NEDD1: variants seen among roughly 807,000 people sequenced by gnomAD.
NEDD1 encodes the protein protein NEDD1.
NEDD1 carries 33 observed loss-of-function variants against 74.0 expected under a neutral mutation model. The ratio of observed to expected loss-of-function variants is 0.45; its 90% confidence interval spans 0.34 to 0.60. NEDD1 has a LOEUF of 0.60. Ranked by LOEUF, NEDD1 falls within the 20% of genes least tolerant of loss-of-function variation. The pLI is 0.01. For synonymous variants in NEDD1, 250 were observed against 264.4 expected (o/e 0.95, Z 0.53); for missense variants, 746 against 776.5 (o/e 0.96, Z 0.47).
In NEDD1 at chr12:96,944,795, A is replaced by G. The variant is rs1480793322; in HGVS notation, c.1654A>G (p.Asn552Asp). The part of the protein sequence containing the change: ...EPPINGSSTP[N>D]PKIASSVTAG... ...CCCAATCAATGGATCCTCAACTCCAAGTAAGTACATGAAACTTCCTGATGT... is the reference window on the plus strand; with the variant it reads ...CCCAATCAATGGATCCTCAACTCCAGGTAAGTACATGAAACTTCCTGATGT... Residue 552 changes from asparagine (N) to aspartate (D), a missense_variant and splice_region_variant, in exon 13 of 16, where the codon AAT becomes GAT. Asn to Asp is a conservative substitution (Grantham distance 23). Transcript: ENST00000266742. 1 of 1,543,722 alleles carries G rather than the reference A, an allele frequency of 6.5e-7. No individual in the cohort carries two copies. Among genetic ancestry groups the G allele is most frequent in the African/African-American group, 1.4e-5 (1 of 70,936 alleles).
At chr12:96,917,482 C>T in intron 4 of NEDD1, 139 bp from the exon 5 acceptor site, 1 of 996,826 alleles carries the variant, frequency 1.0e-6, no homozygotes, top group Non-Finnish European at 1.3e-6. Context: ...GAGAGTGGCT[C>T]TTTAGTACAA....
chr12:96,948,320 G>A (rs1878394184), intron 14 of NEDD1, among the ~76,000 whole-genome samples: 1 of 152,116 alleles, frequency 6.6e-6, no homozygotes, highest in Admixed American at 6.5e-5. Flanking sequence ...TCTCCTTGTG[G>A]CTGGGACCCC....
intron 6 of NEDD1, among the ~76,000 whole-genome samples, chr12:96,925,539 C>T (rs1321189329): frequency 6.6e-6 from 1 of 152,164 alleles, no homozygotes; most frequent in African/African-American, 2.4e-5. Flanking sequence ...TTTTGCATAT[C>T]TAGCTCAGGA....
chr12:96,919,159 T>A (rs1874788718), intron 5 of NEDD1, among the ~76,000 whole-genome samples: 1 of 152,222 alleles, frequency 6.6e-6, no homozygotes, highest in South Asian at 2.1e-4. Flanking sequence ...GAAAACATAG[T>A]CCTTGTGAAC....
chr12:96,941,846 G>A (rs890164788), intron 10 of NEDD1, among the ~76,000 whole-genome samples: 13 of 152,088 alleles, frequency 8.5e-5, no homozygotes, highest in Non-Finnish European at 1.9e-4. Context: ...TGATAAGGAA[G>A]CTAATAACTT....
intron 6 of NEDD1, among the ~76,000 whole-genome samples, chr12:96,928,843 C>T (rs1239501640): frequency 6.6e-6 from 1 of 151,590 alleles, no homozygotes; most frequent in Non-Finnish European, 1.5e-5. Flanking sequence ...CCTGCTACCA[C>T]GCCTGGCTAA....
intron 7 of NEDD1, 129 bp downstream of exon 7, chr12:96,935,334 C>A: frequency 1.6e-6 from 1 of 618,044 alleles, no homozygotes; most frequent in Non-Finnish European, 2.9e-6. Context: ...GTTGATGGAT[C>A]TAGTAAGAAA....
chr12:96,916,100 C>G (rs982805971), intron 4 of NEDD1, among the ~76,000 whole-genome samples: 2 of 151,646 alleles, frequency 1.3e-5, no homozygotes, highest in Non-Finnish European at 2.9e-5. Context: ...AATGGAAGGT[C>G]AGTATGGCTG....
intron 6 of NEDD1, among the ~76,000 whole-genome samples, chr12:96,933,345 T>G (rs1442037549): frequency 2.0e-5 from 3 of 152,202 alleles, no homozygotes; most frequent in Non-Finnish European, 2.9e-5. Context: ...ACTCCTAAAG[T>G]GCTGTAGAAA....
intron 6 of NEDD1, among the ~76,000 whole-genome samples, chr12:96,920,738 C>A (rs113821271): frequency 6.6e-6 from 1 of 152,182 alleles, no homozygotes; most frequent in African/African-American, 2.4e-5. Flanking sequence ...CCATAAGATT[C>A]GCCATAGAAA....
chr12:96,934,846 T>C, intron 6 of NEDD1, 130 bp from the exon 7 acceptor site: 1 of 655,746 alleles, frequency 1.5e-6, no homozygotes, highest in Non-Finnish European at 2.7e-6. Context: ...CTGAAACCTG[T>C]CACTCTTACA....
intron 4 of NEDD1, among the ~76,000 whole-genome samples, chr12:96,914,042 C>T (rs1874193736): frequency 6.6e-6 from 1 of 152,156 alleles, no homozygotes. Flanking sequence ...GAGACTGGGA[C>T]AGAGGGAACA....
At chr12:96,949,434 G>C (rs548625662) in intron 14 of NEDD1, among the ~76,000 whole-genome samples, 1 of 152,052 alleles carries the variant, frequency 6.6e-6, no homozygotes, top group Non-Finnish European at 1.5e-5. Context: ...TTGTTTAAAA[G>C]CATTAACATT....
Position 96,952,166 on chromosome 12 carries a change from A to T in NEDD1, c.*113A>T. ...CCAGGGAAAAAATGTTTTTCAAGTA[A>T]GAGTAAAAGGATGATGGGATTTTAT... On this transcript the variant is annotated 3_prime_UTR_variant, in exon 16 of 16. Transcript: ENST00000266742. The T allele has an allele frequency of 1.6e-6, 1 of 643,160 alleles. No individual in the cohort carries two copies. The highest frequency in any genetic ancestry group is 2.8e-6 in the Non-Finnish European group (1 of 362,064). The allele number at this position is 643,160 out of a possible 1,614,324, so 39.8% of individuals were successfully genotyped here. A position where few individuals can be genotyped will look rare whatever the true frequency, so the allele number is the denominator to read the frequency against.
chr12:96,946,232 C>T (rs565634698), intron 14 of NEDD1, among the ~76,000 whole-genome samples: 34 of 152,206 alleles, frequency 2.2e-4, no homozygotes, highest in African/African-American at 7.5e-4. Flanking sequence ...TACTTTAAAG[C>T]ACAATTCTGA....
chr12:96,921,578 G>A (rs1448181161), intron 6 of NEDD1, among the ~76,000 whole-genome samples: 2 of 152,076 alleles, frequency 1.3e-5, no homozygotes, highest in Non-Finnish European at 1.5e-5. Flanking sequence ...ACATGGAGAA[G>A]ATGTATAATA....
chr12:96,914,444 A>G (rs1477793607), intron 4 of NEDD1, among the ~76,000 whole-genome samples: 1 of 152,194 alleles, frequency 6.6e-6, no homozygotes, highest in Non-Finnish European at 1.5e-5. Flanking sequence ...TAGTTAACAA[A>G]TTGTATCATA....
intron 4 of NEDD1, among the ~76,000 whole-genome samples, chr12:96,913,440 CT>C (rs1309317742): frequency 6.6e-6 from 1 of 151,634 alleles, no homozygotes; most frequent in African/African-American, 2.4e-5. Flanking sequence ...ATGGTGCAAT[CT>C]TAGCTCACTG....
At chr12:96,910,559 AG>A (rs1873814791) in intron 3 of NEDD1, among the ~76,000 whole-genome samples, 1 of 152,214 alleles carries the variant, frequency 6.6e-6, no homozygotes, top group Admixed American at 6.5e-5. Context: ...ACTGTAAACT[AG>A]GGTTTCTGAA....
Sources: gnomAD v4.1 joint callset for allele counts (sites outside exome capture counted in the v4.1 genomes callset) on GRCh38, gnomAD v4.1.1 for gene constraint, MANE v1.5 for transcripts, NCBI Gene and HGNC (gene_info 2026-07-23, HGNC 2026-07-21) for gene names.